The following KSR2 variants were observed in gnomAD, a reference collection of about 807,000 sequenced individuals.
KSR2 encodes kinase suppressor of ras 2.
A neutral mutation model predicts 107.8 loss-of-function variants in KSR2; 25 were observed. The observed-to-expected ratio is 0.23, with a 90% CI of 0.17 to 0.32. The LOEUF is 0.32. Ranked by LOEUF, KSR2 falls within the 10% of genes least tolerant of loss-of-function variation. The pLI is 1.00. For missense variants in KSR2, 887 were observed against 1,268.9 expected (o/e 0.70, Z 4.57); for synonymous variants, 480 against 507.0 (o/e 0.95, Z 0.71).
At chr12:117,937,481 C>T (rs548331506) in intron 1 of KSR2, among the ~76,000 whole-genome samples, 26 of 151,962 alleles carry the variant, frequency 1.7e-4, no homozygotes, top group African/African-American at 6.0e-4. Context: ...CCTTAGGGGA[C>T]CAATAAATTA....
At chr12:117,730,564 G>A (rs1441605809) in intron 4 of KSR2, among the ~76,000 whole-genome samples, 2 of 152,010 alleles carry the variant, frequency 1.3e-5, no homozygotes. Flanking sequence ...GCTGAGCCGA[G>A]GCTGGACTGT....
intron 10 of KSR2, among the ~76,000 whole-genome samples, chr12:117,535,983 A>G (rs1045412293): frequency 1.3e-5 from 2 of 152,080 alleles, no homozygotes; most frequent in African/African-American, 4.8e-5. Flanking sequence ...TGGCCCCAGG[A>G]CTCAGGGAAA....
At chr12:117,545,373 A>G (rs1876780581) in intron 9 of KSR2, among the ~76,000 whole-genome samples, 1 of 152,152 alleles carries the variant, frequency 6.6e-6, no homozygotes, top group Admixed American at 6.5e-5. Context: ...GTTGGTGTTA[A>G]TTCTTCTTTA....
chr12:117,740,661 A>ATG (rs1565990486), intron 4 of KSR2, among the ~76,000 whole-genome samples: 3 of 90,438 alleles, frequency 3.3e-5, no homozygotes, highest in African/African-American at 9.1e-5. Flanking sequence ...TATGTAATAT[A>ATG]TAATATATAT....
At chr12:117,916,440 C>T (rs1054166291) in intron 1 of KSR2, among the ~76,000 whole-genome samples, 1 of 152,122 alleles carries the variant, frequency 6.6e-6, no homozygotes, top group African/African-American at 2.4e-5. Context: ...CCCAGCCAAA[C>T]TGTGAGTGTT....
chr12:117,767,362 G>A (rs1170172169), intron 3 of KSR2, among the ~76,000 whole-genome samples: 6 of 151,354 alleles, frequency 4.0e-5, no homozygotes, highest in East Asian at 2.0e-4. Flanking sequence ...GCGTGAACCC[G>A]GGAGGCGGAG....
chr12:117,566,604 C>A (rs1207178938), intron 7 of KSR2, among the ~76,000 whole-genome samples: 1 of 152,092 alleles, frequency 6.6e-6, no homozygotes, highest in Non-Finnish European at 1.5e-5. Context: ...CCATGTATAC[C>A]CATTTTTAAG....
chr12:117,965,281 T>A (rs919857006), intron 1 of KSR2, among the ~76,000 whole-genome samples: 2 of 152,200 alleles, frequency 1.3e-5, no homozygotes, highest in African/African-American at 4.8e-5. Context: ...AGCCCTGGTA[T>A]TACTAACCTA....
intron 5 of KSR2, among the ~76,000 whole-genome samples, chr12:117,653,524 T>A (rs370299228): frequency 6.6e-6 from 1 of 152,220 alleles, no homozygotes; most frequent in African/African-American, 2.4e-5. Flanking sequence ...ATTATGTTGA[T>A]TGGATCCAGT....
At chr12:117,654,305 G>A (rs1818619) in intron 5 of KSR2, among the ~76,000 whole-genome samples, 1 of 152,210 alleles carries the variant, frequency 6.6e-6, no homozygotes, top group Non-Finnish European at 1.5e-5. Context: ...AGTTACATGA[G>A]GAAGTGGCTC....
At chr12:117,725,991 G>T (rs573568164) in intron 4 of KSR2, among the ~76,000 whole-genome samples, 16 of 151,908 alleles carry the variant, frequency 1.1e-4, no homozygotes, top group Non-Finnish European at 1.8e-4. Context: ...ACATGGTGAA[G>T]TCCCATCTCT....
At chr12:117,580,821 A>C (rs965166901) in intron 6 of KSR2, among the ~76,000 whole-genome samples, 11 of 152,012 alleles carry the variant, frequency 7.2e-5, no homozygotes, top group Non-Finnish European at 1.3e-4. Context: ...TGGCCAATCC[A>C]GGGGCCGAGC....
chr12:117,918,535 T>A (rs1311424656), intron 1 of KSR2, among the ~76,000 whole-genome samples: 1 of 152,188 alleles, frequency 6.6e-6, no homozygotes, highest in Non-Finnish European at 1.5e-5. Context: ...ACACCTGTAA[T>A]CCCAGCACTT....
intron 10 of KSR2, 102 bp downstream of exon 10, chr12:117,539,617 G>A: frequency 8.5e-7 from 1 of 1,175,626 alleles, no homozygotes; most frequent in South Asian, 1.7e-5. Context: ...TCGCTTTCCT[G>A]CAGAGACTTG....
chr12:117,606,528 CCTT>C (rs1881268821), intron 5 of KSR2, among the ~76,000 whole-genome samples: 1 of 108,468 alleles, frequency 9.2e-6, no homozygotes, highest in African/African-American at 3.7e-5. Flanking sequence ...TCCCCTCCTT[CCTT>C]CCTGCCTCCC....
chr12:117,830,015 C>T (rs918340196), intron 3 of KSR2, among the ~76,000 whole-genome samples: 3 of 152,144 alleles, frequency 2.0e-5, no homozygotes, highest in Non-Finnish European at 4.4e-5. Flanking sequence ...CGTCTGTAAT[C>T]CCAGCACTCT....
At chr12:117,536,753 T>C (rs7978553) in intron 10 of KSR2, among the ~76,000 whole-genome samples, 52,526 of 152,234 alleles carry the variant, frequency 0.35, 9,224 homozygotes, top group South Asian at 0.43. Context: ...TACGGATATA[T>C]GTGTGTATTC....
intron 1 of KSR2, among the ~76,000 whole-genome samples, chr12:117,923,412 T>C (rs1003561086): frequency 1.3e-5 from 2 of 152,174 alleles, no homozygotes; most frequent in Non-Finnish European, 2.9e-5. Flanking sequence ...TGATGCCAGA[T>C]GTAGTGGCTC....
intron 9 of KSR2, among the ~76,000 whole-genome samples, chr12:117,547,105 TG>T (rs1876922423): frequency 6.6e-6 from 1 of 152,230 alleles, no homozygotes; most frequent in African/African-American, 2.4e-5. Flanking sequence ...TGTGAGACTT[TG>T]GATGTTATTT....
Sources: gnomAD v4.1 joint callset for allele counts (sites outside exome capture counted in the v4.1 genomes callset) on GRCh38, gnomAD v4.1.1 for gene constraint, MANE v1.5 for transcripts, NCBI Gene and HGNC (gene_info 2026-07-23, HGNC 2026-07-21) for gene names.